Variants in NUDT6 observed in about 807,000 individuals in gnomAD.
The protein encoded by NUDT6 is nudix hydrolase 6.
Under a neutral mutation model 36.8 loss-of-function variants are expected in NUDT6, and 24 were observed. That is an observed-to-expected ratio of 0.65 (90% CI 0.47 to 0.92). The LOEUF (loss-of-function observed/expected upper bound fraction) is 0.92. NUDT6 is among the 40% of genes least tolerant of loss of function. NUDT6 has a pLI of 0.00. For missense variants in NUDT6, 388 were observed against 392.8 expected (o/e 0.99, Z 0.10); for synonymous variants, 163 against 157.0 (o/e 1.04, Z -0.29).
intron 2 of NUDT6, among the ~76,000 whole-genome samples, chr4:122,913,727 A>AT (rs907733235): frequency 1.5e-4 from 22 of 149,934 alleles, no homozygotes; most frequent in South Asian, 4.3e-4. Context: ...GTTCTAGTTC[A>AT]TTTTTTTTTG....
intron 3 of NUDT6, among the ~76,000 whole-genome samples, chr4:122,902,195 T>C (rs1404451186): frequency 6.6e-6 from 1 of 152,186 alleles, no homozygotes; most frequent in Non-Finnish European, 1.5e-5. Context: ...TCAATAGAAA[T>C]TTATTGCTTG....
intron 3 of NUDT6, among the ~76,000 whole-genome samples, chr4:122,902,847 G>A (rs1170964135): frequency 6.6e-6 from 1 of 151,352 alleles, no homozygotes; most frequent in Non-Finnish European, 1.5e-5. Context: ...TTGAATTTGT[G>A]CATATGCTCG....
chr4:122,912,651 G>C, intron 2 of NUDT6, 28 bp from the exon 3 acceptor site: 1 of 1,372,838 alleles, frequency 7.3e-7, no homozygotes. Flanking sequence ...AAAGATAATT[G>C]AGAAATATTA....
chr4:122,899,064 G>T (rs1161688486), intron 3 of NUDT6, among the ~76,000 whole-genome samples: 1 of 6,332 alleles, frequency 1.6e-4, no homozygotes, highest in Non-Finnish European at 1.1e-3. Context: ...TTTTTTTAGA[G>T]ATGAGATTTC....
At chr4:122,912,459 T>C in intron 3 of NUDT6, 109 bp downstream of exon 3, 1 of 775,190 alleles carries the variant, frequency 1.3e-6, no homozygotes, top group Non-Finnish European at 2.1e-6. Flanking sequence ...AAATGATTTT[T>C]AAAATACCTT....
rs750236034 is a variant in NUDT6 at position 122,893,043 on chromosome 4, A to G, written c.736T>C (p.Cys246Arg). The G allele has an allele frequency of 5.0e-6, 8 of 1,614,146 alleles. No individual in the cohort carries two copies. Among genetic ancestry groups the G allele is most frequent in the Non-Finnish European group, 6.8e-6 (8 of 1,180,036 alleles). The part of the protein sequence containing the change: ...INFCQEECLR[C>R]EWMDLNDLAK... Reference sequence around the variant, plus strand: ...AGGTCATTGAGATCCATCCACTCACATCTTAAGCATTCTTCCTGGCAAAAA... The same window carrying G: ...AGGTCATTGAGATCCATCCACTCACGTCTTAAGCATTCTTCCTGGCAAAAA... The change falls in exon 5 of 5, where the codon TGT (cysteine) becomes CGT (arginine). Residue 246 changes from cysteine to arginine, a missense_variant. By Grantham distance (180) the Cys-to-Arg change is radical. Coordinates refer to ENST00000304430, the MANE Select transcript of NUDT6 (RefSeq NM_007083.5).
chr4:122,907,852 C>T (rs992895676), intron 3 of NUDT6, among the ~76,000 whole-genome samples: 4 of 152,194 alleles, frequency 2.6e-5, no homozygotes, highest in Admixed American at 6.5e-5. Context: ...TCAGGACCCC[C>T]TTCTGGTAAC....
chr4:122,909,986 T>G (rs142162090), intron 3 of NUDT6, among the ~76,000 whole-genome samples: 3,803 of 152,322 alleles, frequency 0.025, 102 homozygotes, highest in South Asian at 0.15. Context: ...CTGACTATGT[T>G]GAAAAACACT....
chr4:122,897,650 C>T lies in NUDT6; in HGVS notation c.527G>A (p.Gly176Asp). The change falls in exon 4 of 5, where the codon GGC becomes GAC. Residue 176 changes from glycine (G) to aspartate (D), a missense_variant. Gly to Asp is a moderately conservative substitution (Grantham distance 94). Coordinates refer to ENST00000304430, the MANE Select transcript of NUDT6 (RefSeq NM_007083.5). ...AATATCTTCTTCAGGCTCTGACAGG[C>T]CTCCTGGAAACTTCCACATATTTTT... Reference protein sequence around the residue: ...KLKNMWKFPGGLSEPEEDIGD... With the variant: ...KLKNMWKFPGDLSEPEEDIGD... 6.2e-7 allele frequency: 1 copy of T among 1,610,422 alleles called. No individual in the cohort carries two copies. Among genetic ancestry groups the T allele is most frequent in the Non-Finnish European group, 8.5e-7 (1 of 1,176,830 alleles).
chr4:122,919,730 CT>C (rs2150811442), intron 1 of NUDT6: 1 of 152,346 alleles, frequency 6.6e-6, no homozygotes, highest in African/African-American at 2.4e-5. Context: ...TTCCTAACCA[CT>C]GCTCATGAGC....
intron 3 of NUDT6, among the ~76,000 whole-genome samples, chr4:122,908,954 A>G (rs1025560292): frequency 4.6e-5 from 7 of 152,212 alleles, no homozygotes; most frequent in African/African-American, 1.4e-4. Context: ...TACAGTCTAC[A>G]GTCTTTATTT....
chr4:122,912,990 G>C (rs1016308823), intron 2 of NUDT6, among the ~76,000 whole-genome samples: 4 of 152,166 alleles, frequency 2.6e-5, no homozygotes, highest in Non-Finnish European at 2.9e-5. Flanking sequence ...GTCACATGAG[G>C]TCAGGTATGG....
chr4:122,898,839 A>G (rs1335091835), intron 3 of NUDT6, among the ~76,000 whole-genome samples: 1 of 152,156 alleles, frequency 6.6e-6, no homozygotes, highest in East Asian at 1.9e-4. Context: ...TCCAGAAACT[A>G]TGCAGTCTTT....
At chr4:122,907,983 A>C (rs1233273660) in intron 3 of NUDT6, among the ~76,000 whole-genome samples, 1 of 152,174 alleles carries the variant, frequency 6.6e-6, no homozygotes, top group Admixed American at 6.5e-5. Context: ...ATTTGGGAAT[A>C]TCTCTCCAAT....
intron 2 of NUDT6, among the ~76,000 whole-genome samples, chr4:122,913,500 T>C (rs1727771175): frequency 6.6e-6 from 1 of 152,186 alleles, no homozygotes. Context: ...GCTTACAATA[T>C]TTATTGAATA....
chr4:122,919,490 T>G (rs563092270), intron 1 of NUDT6: 6 of 152,278 alleles, frequency 3.9e-5, no homozygotes, highest in Non-Finnish European at 8.8e-5. Flanking sequence ...GCTGGGATTA[T>G]AGGCGTGACC....
At chr4:122,894,368 A>T (rs935105793) in intron 4 of NUDT6, 1 of 152,402 alleles carries the variant, frequency 6.6e-6, no homozygotes, top group African/African-American at 2.4e-5. Context: ...AAGCAGGAGG[A>T]TCGCTTGAGC....
At chr4:122,896,714 G>A (rs768055918) in intron 4 of NUDT6, 4 of 152,146 alleles carry the variant, frequency 2.6e-5, no homozygotes, top group African/African-American at 4.8e-5. Context: ...TATAATGTAT[G>A]TATGGTATTT....
chr4:122,910,543 T>C (rs1010210550), intron 3 of NUDT6, among the ~76,000 whole-genome samples: 5 of 152,188 alleles, frequency 3.3e-5, no homozygotes, highest in African/African-American at 9.6e-5. Context: ...TCTTTCAGCC[T>C]CTGTTAAAGT....
Sources: gnomAD v4.1 joint callset for allele counts (sites outside exome capture counted in the v4.1 genomes callset) on GRCh38, gnomAD v4.1.1 for gene constraint, MANE v1.5 for transcripts, NCBI Gene and HGNC (gene_info 2026-07-23, HGNC 2026-07-21) for gene names.